HEMK2: variants seen among roughly 807,000 people sequenced by gnomAD.
HEMK2 encodes the protein methyltransferase HEMK2.
chr21:28,727,571 T>C, the HEMK2 span, among the ~76,000 whole-genome samples: 5 of 152,368 alleles, frequency 3.3e-5, no homozygotes, highest in Non-Finnish European at 7.3e-5. Context: ...ATGGATGCTA[T>C]AGAATTCATG....
chr21:28,747,586 T>G, the HEMK2 span, among the ~76,000 whole-genome samples: 32 of 152,350 alleles, frequency 2.1e-4, no homozygotes, highest in East Asian at 6.2e-3. Context: ...CCTACCCCAC[T>G]ACCTGTTTAA....
the HEMK2 span, among the ~76,000 whole-genome samples, chr21:28,877,631 T>TAGGAAGGA: frequency 1.4e-5 from 2 of 138,686 alleles, no homozygotes; most frequent in Non-Finnish European, 3.2e-5. Context: ...AAGAGAGAAA[T>TAGGAAGGA]AGGAAGGAAG....
the HEMK2 span, among the ~76,000 whole-genome samples, chr21:28,627,433 G>A: frequency 7.9e-5 from 12 of 152,108 alleles, no homozygotes; most frequent in Non-Finnish European, 1.3e-4. Context: ...AACAGTTCTT[G>A]TCCATGCTCC....
At chr21:28,759,032 T>A in the HEMK2 span, among the ~76,000 whole-genome samples, 1 of 152,194 alleles carries the variant, frequency 6.6e-6, no homozygotes, top group Non-Finnish European at 1.5e-5. Context: ...CCCTCTGATG[T>A]CCCTTTGAGA....
chr21:28,744,685 C>T, the HEMK2 span, among the ~76,000 whole-genome samples: 6 of 152,194 alleles, frequency 3.9e-5, no homozygotes, highest in Non-Finnish European at 8.8e-5. Context: ...GGGTATTTTA[C>T]ATACATTATT....
chr21:28,638,452 C>A, the HEMK2 span, among the ~76,000 whole-genome samples: 1 of 152,158 alleles, frequency 6.6e-6, no homozygotes, highest in Non-Finnish European at 1.5e-5. Context: ...GAGAGGCCAG[C>A]AAGATCCTGA....
chr21:28,702,569 C>T, the HEMK2 span, among the ~76,000 whole-genome samples: 1 of 152,276 alleles, frequency 6.6e-6, no homozygotes, highest in East Asian at 1.9e-4. Flanking sequence ...TGTTCAGTGT[C>T]TCTAATCATT....
chr21:28,744,164 A>ATACTC, the HEMK2 span, among the ~76,000 whole-genome samples: 4 of 152,150 alleles, frequency 2.6e-5, no homozygotes, highest in African/African-American at 9.7e-5. Flanking sequence ...GGGTAATTAA[A>ATACTC]TACTCTGTAC....
At chr21:28,874,624 T>TAA in the HEMK2 span, 2 of 152,308 alleles carry the variant, frequency 1.3e-5, no homozygotes, top group Non-Finnish European at 2.9e-5. Context: ...GAAAGAGGCC[T>TAA]ACTAGTATCC....
chr21:28,802,948 T>C, the HEMK2 span, among the ~76,000 whole-genome samples: 1 of 152,168 alleles, frequency 6.6e-6, no homozygotes, highest in Non-Finnish European at 1.5e-5. Flanking sequence ...GTTGTGGGAC[T>C]CTGAGAAAAT....
the HEMK2 span, among the ~76,000 whole-genome samples, chr21:28,639,656 C>A: frequency 1.3e-5 from 2 of 152,056 alleles, no homozygotes; most frequent in Non-Finnish European, 1.5e-5. Context: ...TTAATTTATC[C>A]GAGTATCATC....
the HEMK2 span, among the ~76,000 whole-genome samples, chr21:28,818,869 A>C: frequency 6.6e-6 from 1 of 152,240 alleles, no homozygotes; most frequent in Non-Finnish European, 1.5e-5. Context: ...CCAGAAAGAA[A>C]GAAACTAGGA....
At chr21:28,597,567 T>C in the HEMK2 span, among the ~76,000 whole-genome samples, 1 of 152,192 alleles carries the variant, frequency 6.6e-6, no homozygotes, top group Non-Finnish European at 1.5e-5. Flanking sequence ...TGATGCTATA[T>C]GGAATACATC....
chr21:28,588,659 T>C, the HEMK2 span, among the ~76,000 whole-genome samples: 2 of 152,048 alleles, frequency 1.3e-5, no homozygotes, highest in Admixed American at 6.6e-5. Flanking sequence ...ATAGAAGCCA[T>C]GGGTGAGACA....
At chr21:28,679,855 G>A in the HEMK2 span, among the ~76,000 whole-genome samples, 1 of 152,014 alleles carries the variant, frequency 6.6e-6, no homozygotes, top group African/African-American at 2.4e-5. Flanking sequence ...AAACCAATGA[G>A]AACAAAGACA....
the HEMK2 span, among the ~76,000 whole-genome samples, chr21:28,592,051 T>C: frequency 6.6e-6 from 1 of 152,322 alleles, no homozygotes; most frequent in South Asian, 2.1e-4. Flanking sequence ...ATTATATTCT[T>C]GTGGGTATAT....
At chr21:28,674,354 T>A in the HEMK2 span, among the ~76,000 whole-genome samples, 1 of 152,342 alleles carries the variant, frequency 6.6e-6, no homozygotes, top group African/African-American at 2.4e-5. Flanking sequence ...ACTTTCCTAA[T>A]ACACTTGCTT....
chr21:28,814,684 C>A, the HEMK2 span, among the ~76,000 whole-genome samples: 3 of 152,074 alleles, frequency 2.0e-5, no homozygotes, highest in African/African-American at 7.2e-5. Context: ...CAACGAGATA[C>A]CATCTCACAC....
the HEMK2 span, among the ~76,000 whole-genome samples, chr21:28,694,508 T>A: frequency 0.56 from 84,567 of 152,024 alleles, 26,192 homozygotes; most frequent in East Asian, 0.84. Flanking sequence ...AATGTGGTTC[T>A]CAAAACCAGC....
Sources: gnomAD v4.1 joint callset for allele counts (sites outside exome capture counted in the v4.1 genomes callset) on GRCh38, gnomAD v4.1.1 for gene constraint, MANE v1.5 for transcripts, NCBI Gene and HGNC (gene_info 2026-07-23, HGNC 2026-07-21) for gene names.